Variants in UBASH3A observed in about 807,000 individuals in gnomAD.
The protein encoded by UBASH3A is ubiquitin-associated and SH3 domain-containing protein A.
UBASH3A carries 63 observed loss-of-function variants against 73.5 expected under a neutral mutation model. The observed-to-expected ratio is 0.86, with a 90% CI of 0.70 to 1.06. The LOEUF is 1.06. Among genes scored for constraint, UBASH3A ranks in the 50% least tolerant of loss-of-function variants. The pLI, the probability that UBASH3A is intolerant of heterozygous loss-of-function variation, is 0.00. For missense variants in UBASH3A, 860 were observed against 859.0 expected, an observed-to-expected ratio of 1.00 and a Z score of -0.02; for synonymous variants, 363 against 351.1, an observed-to-expected ratio of 1.03 and a Z score of -0.38.
intron 7 of UBASH3A, among the ~76,000 whole-genome samples, chr21:42,426,457 G>A (rs956724712): frequency 1.3e-5 from 2 of 152,180 alleles, no homozygotes; most frequent in Non-Finnish European, 2.9e-5. Flanking sequence ...CTGTGGCCTA[G>A]CCACGTTGAC....
At chr21:42,437,725 T>C (rs1448331506) in intron 11 of UBASH3A, 145 bp downstream of exon 11, 4 of 709,960 alleles carry the variant, frequency 5.6e-6, no homozygotes, top group Non-Finnish European at 9.7e-6. Context: ...GAGCCAGCCC[T>C]CCAAGGATGC....
At chr21:42,439,313 G>T (rs527520719) in intron 11 of UBASH3A, among the ~76,000 whole-genome samples, 2 of 152,112 alleles carry the variant, frequency 1.3e-5, no homozygotes, top group Non-Finnish European at 2.9e-5. Flanking sequence ...CCTCAGTCTT[G>T]CAGCTTCATC....
intron 8 of UBASH3A, among the ~76,000 whole-genome samples, chr21:42,431,151 C>T (rs2053521530): frequency 6.6e-6 from 1 of 152,224 alleles, no homozygotes. Flanking sequence ...ATCTCATTTG[C>T]TGTGGGTTCC....
intron 3 of UBASH3A, among the ~76,000 whole-genome samples, chr21:42,412,765 G>A (rs564069362): frequency 1.3e-5 from 2 of 152,248 alleles, no homozygotes; most frequent in Admixed American, 6.5e-5. Flanking sequence ...GCAGTTCAAC[G>A]ACCAGGGGAT....
At chr21:42,438,534 C>T (rs746166179) in intron 11 of UBASH3A, among the ~76,000 whole-genome samples, 5 of 152,226 alleles carry the variant, frequency 3.3e-5, no homozygotes, top group African/African-American at 1.2e-4. Context: ...TCTCTTCCAG[C>T]TTAGACCGGG....
At chr21:42,425,629 C>A (rs1177252877) in intron 7 of UBASH3A, among the ~76,000 whole-genome samples, 2 of 152,076 alleles carry the variant, frequency 1.3e-5, no homozygotes, top group African/African-American at 4.8e-5. Context: ...GTAAATTGGC[C>A]TGGACCTGCC....
intron 11 of UBASH3A, among the ~76,000 whole-genome samples, chr21:42,439,130 C>G (rs2053683522): frequency 6.6e-6 from 1 of 152,182 alleles, no homozygotes; most frequent in Admixed American, 6.5e-5. Context: ...AGGAGCGGAC[C>G]TGGTTCCACC....
rs928415585 is a variant in UBASH3A, at chr21:42,413,300, G to A, written c.553+78G>A. The A allele has an allele frequency of 2.2e-5, 35 of 1,564,088 alleles. No individual in the cohort carries two copies. Among genetic ancestry groups the A allele is most frequent in the Middle Eastern group, 1.9e-4 (1 of 5,150 alleles). On this transcript the variant is annotated intron_variant, in intron 4 of 14. Coordinates refer to ENST00000319294, the MANE Select transcript of UBASH3A (RefSeq NM_018961.4). The surrounding 1 kb of genome is among the most constrained non-coding windows in gnomAD (Gnocchi z 4.5). ...CCCTCTGTGGCAGGGACTAGCCCCC[G>A]GCACATGGATGCAGTGGGTGGGTTC...
chr21:42,426,949 G>A lies in UBASH3A; in HGVS notation c.1170+129G>A, dbSNP rs952994411. On this transcript the variant is annotated intron_variant, in intron 8 of 14. Coordinates refer to ENST00000319294, the MANE Select transcript of UBASH3A (RefSeq NM_018961.4). ...AGACACATCCTCCCTGCCCTAGAGC[G>A]TGGTCAGCAAGGGGGCCTCCCAGGT... is the stretch of plus-strand genomic sequence containing the variant. 3.9e-5 allele frequency: 48 copies of A among 1,244,678 alleles called. 1 individual carries two copies. The South Asian group carries it at 3.9e-4, about 10-fold the overall frequency. 77.1% of individuals were successfully genotyped at this position (1,244,678 alleles called of 1,614,324 possible). A position where few individuals can be genotyped will look rare whatever the true frequency, so the allele number is the denominator to read the frequency against.
At chr21:42,444,464 G>T in intron 13 of UBASH3A, 70 bp from the exon 14 acceptor site, 1 of 1,191,418 alleles carries the variant, frequency 8.4e-7, no homozygotes, top group Non-Finnish European at 1.2e-6. Context: ...CCACCACTTT[G>T]GGGACCCCAG....
chr21:42,441,090 TGTTTAAAGGGCATGG>T (rs578066580), intron 11 of UBASH3A, among the ~76,000 whole-genome samples: 128 of 152,328 alleles, frequency 8.4e-4, no homozygotes, highest in African/African-American at 2.9e-3. Context: ...TGATGATGCC[TGTTTAAAGGGCATGG>T]GTTTATAAAT....
intron 7 of UBASH3A, among the ~76,000 whole-genome samples, chr21:42,421,749 G>A (rs1284652966): frequency 6.6e-6 from 1 of 152,190 alleles, no homozygotes; most frequent in Non-Finnish European, 1.5e-5. Flanking sequence ...ATATGGATAA[G>A]CCTCTGTGTG....
At position 42,418,515 on chromosome 21, in the gene UBASH3A, G is replaced by A. The variant is rs1198230601; in HGVS notation, c.952G>A (p.Val318Met). The change falls in exon 7 of 15, where the codon GTG becomes ATG. Residue 318 changes from valine (V) to methionine (M), a missense_variant. Transcript: ENST00000319294. ...GCAGGACGAAGCCAGCGAGGGCTGG[G>A]TGATTGGGATCTCACAGCGGACGGG... ...TQQDEASEGW[V>M]IGISQRTGCR... 5 of 1,614,112 alleles carry A rather than the reference G, an allele frequency of 3.1e-6. No homozygotes were observed. Among genetic ancestry groups the A allele is most frequent in the East Asian group, 2.2e-5 (1 of 44,900 alleles).
chr21:42,428,827 G>A (rs761273698), intron 8 of UBASH3A, among the ~76,000 whole-genome samples: 4 of 152,010 alleles, frequency 2.6e-5, no homozygotes, highest in African/African-American at 7.3e-5. Flanking sequence ...CCCCTCACAC[G>A]GTCTTCTCTA....
At chr21:42,410,121 A>T (rs974464690) in intron 3 of UBASH3A, 7 of 702,384 alleles carry the variant, frequency 1.0e-5, no homozygotes, top group African/African-American at 5.2e-5. Context: ...CTCAGGGACC[A>T]GCCGTCTGAT....
In UBASH3A at chr21:42,410,955, G is replaced by A. The variant is rs557374729; in HGVS notation, c.354+1347G>A. ...CAGATAGACACAGAGACGTACACAC[G>A]GCACACACAGATACACACACATACA... On this transcript the variant is annotated intron_variant, in intron 3 of 14. Coordinates refer to ENST00000319294, the MANE Select transcript of UBASH3A (RefSeq NM_018961.4). Among the ~76,000 whole-genome samples, 963 of 107,810 alleles carry A rather than the reference G, an allele frequency of 8.9e-3. 6 individuals carry two copies. The highest frequency in any genetic ancestry group is 0.034 in the African/African-American group (911 of 26,900). 70.7% of individuals were successfully genotyped at this position (107,810 alleles called of 152,430 possible).
intron 10 of UBASH3A, 157 bp downstream of exon 10, chr21:42,435,111 C>G: frequency 1.1e-6 from 1 of 872,778 alleles, no homozygotes; most frequent in Non-Finnish European, 1.7e-6. Context: ...AGAGGTTAAG[C>G]AACTTGCCCA....
Position 42,447,207 on chromosome 21 carries a change from T to C in UBASH3A, c.*13T>C, listed in dbSNP as rs1488764236. 3 of 1,613,020 alleles carry C rather than the reference T, an allele frequency of 1.9e-6. No individual in the cohort carries two copies. Among genetic ancestry groups the C allele is most frequent in the Admixed American group, 3.3e-5 (2 of 59,824 alleles). On this transcript the variant is annotated 3_prime_UTR_variant, in exon 15 of 15. Transcript: ENST00000319294. The stretch of plus-strand genomic sequence containing the variant: ...CTCAGGCAACTGAGAGCCACGGTGA[T>C]GTTGTCATAACCTCAGAGTGGAGAG...
At chr21:42,442,378 TA>T in intron 11 of UBASH3A, 73 bp from the exon 12 acceptor site, 1 of 1,497,242 alleles carries the variant, frequency 6.7e-7, no homozygotes, top group Non-Finnish European at 9.2e-7. Context: ...GTCTGAGATC[TA>T]AAAGGAGACT....
Sources: allele counts gnomAD v4.1 joint callset (sites outside exome capture counted in the v4.1 genomes callset), GRCh38; gene constraint gnomAD v4.1.1; non-coding constraint Gnocchi (gnomAD v3.1); transcripts MANE v1.5; gene names NCBI Gene and HGNC (gene_info 2026-07-23, HGNC 2026-07-21).